The following SCAP variants were observed in gnomAD, a reference collection of about 807,000 sequenced individuals.
SCAP encodes sterol regulatory element-binding protein cleavage-activating protein.
A neutral mutation model predicts 123.6 loss-of-function variants in SCAP; 65 were observed. The ratio of observed to expected loss-of-function variants is 0.53; its 90% CI spans 0.43 to 0.65. SCAP has a LOEUF of 0.65. Ranked by LOEUF, SCAP falls within the 30% of genes least tolerant of loss-of-function variation. The pLI, the probability that SCAP is intolerant of heterozygous loss-of-function variation, is 0.00. For missense variants in SCAP, 1,398 were observed against 1,712.5 expected, an observed-to-expected ratio of 0.82 and a Z score of 3.24; for synonymous variants, 740 against 726.3, an observed-to-expected ratio of 1.02 and a Z score of -0.30.
rs1034558644 is a variant in SCAP at position 47,419,682 on chromosome 3, C to A, written c.1586G>T (p.Gly529Val). 4.6e-6 allele frequency: 7 copies of A among 1,523,118 alleles called. No homozygotes were observed. Among genetic ancestry groups the A allele is most frequent in the Non-Finnish European group, 6.2e-6 (7 of 1,134,996 alleles). 94.4% of individuals were successfully genotyped at this position (1,523,118 alleles called of 1,614,324 possible). A position where few individuals can be genotyped will look rare whatever the true frequency, so the allele number is the denominator to read the frequency against. ...LIMAGTVVWI[G>V]ILVYTDPAGL... ...TGCTGGGTCTGTGTATACCAGGATG[C>A]CAATCCAGACAACGGTGCCAGCCTG... Residue 529 changes from glycine (G) to valine (V), a missense_variant, in exon 13 of 23, where the codon GGC (glycine) becomes GTC (valine). Gly to Val is a moderately radical substitution (Grantham distance 109, BLOSUM62 -3). Around this residue, in one of 7 missense-constraint regions of SCAP, gnomAD observed 828 missense variants for 882.5 expected, o/e 0.94. Transcript: ENST00000265565. The surrounding 1 kb of genome is among the most constrained non-coding windows in gnomAD (Gnocchi z 5.0).
chr3:47,461,953 A>G (rs1707657338), intron 1 of SCAP, among the ~76,000 whole-genome samples: 1 of 151,958 alleles, frequency 6.6e-6, no homozygotes, highest in African/African-American at 2.4e-5. Context: ...AGAATCACTT[A>G]AACCCAGGAG....
At chr3:47,421,066 G>A (rs1305227715) in intron 10 of SCAP, 37 bp from the exon 11 acceptor site, 3 of 1,541,006 alleles carry the variant, frequency 1.9e-6, no homozygotes, top group Non-Finnish European at 2.7e-6. Context: ...GGGGTGCCGT[G>A]ACCTCACTGT....
Position 47,419,582 on chromosome 3 carries a change from G to A in SCAP, c.1686C>T (p.Pro562=), listed in dbSNP as rs73834308. The change falls in exon 13 of 23, where the codon CCC becomes CCT. Residue 562 remains proline (P), a synonymous_variant. Coordinates refer to ENST00000265565, the MANE Select transcript of SCAP (RefSeq NM_012235.4). The surrounding 1 kb of genome is among the most constrained non-coding windows in gnomAD (Gnocchi z 5.0). ...TGGGGGGCAGCATGCCACTAGGCAC[G>A]GGCATGGGAGCCAGGGCTCCCTCAC... ...PLGEGALAPM[P]VPSGMLPPSH... is the part of the protein sequence containing the mutation. The A allele has an allele frequency of 3.3e-4, 525 of 1,610,192 alleles. 2 individuals carry two copies. In the African/African-American group the frequency reaches 6.1e-3, roughly 19 times the overall value.
At chr3:47,423,719 A>G (rs1489323762) in intron 9 of SCAP, among the ~76,000 whole-genome samples, 1 of 152,160 alleles carries the variant, frequency 6.6e-6, no homozygotes, top group African/African-American at 2.4e-5. Context: ...CTGACACATG[A>G]ACCAGGACGA....
intron 10 of SCAP, chr3:47,421,265 G>C (rs1423111043): frequency 2.0e-5 from 11 of 540,754 alleles, no homozygotes; most frequent in Non-Finnish European, 3.7e-5. Context: ...TGAAAGGGAA[G>C]GGGAAGTACC....
chr3:47,470,386 G>A (rs1576321240), intron 1 of SCAP, among the ~76,000 whole-genome samples: 2 of 152,196 alleles, frequency 1.3e-5, no homozygotes, highest in East Asian at 3.8e-4. Flanking sequence ...GGCTTGGGAT[G>A]GAGAAACCCA....
At chr3:47,445,635 G>T (rs919339747) in intron 1 of SCAP, among the ~76,000 whole-genome samples, 4 of 151,826 alleles carry the variant, frequency 2.6e-5, no homozygotes, top group South Asian at 2.1e-4. Flanking sequence ...GCAGCAGCGC[G>T]ATCTCAGCTC....
intron 1 of SCAP, among the ~76,000 whole-genome samples, chr3:47,459,231 C>T (rs148325686): frequency 8.5e-5 from 13 of 152,350 alleles, no homozygotes; most frequent in Non-Finnish European, 1.8e-4. Context: ...TGTAGGAGCA[C>T]AGCCAGGACC....
intron 13 of SCAP, 108 bp from the exon 14 acceptor site, chr3:47,418,951 C>G: frequency 8.5e-7 from 1 of 1,177,580 alleles, no homozygotes. Flanking sequence ...TCAGCTCCAC[C>G]GGCCAGACTC....
rs1351075035 is a variant in SCAP, at chr3:47,427,170, G to A, written c.724C>T (p.His242Tyr). ...VSYTITLVFQ[H>Y]YHAKFLGSLR... is the part of the protein sequence containing the mutation. ...TGTCAATCTTACTTGGCATGGTAGTGCTGGAAGACCAGGGTGATGGTGTAG... is the reference window on the plus strand; with the variant it reads ...TGTCAATCTTACTTGGCATGGTAGTACTGGAAGACCAGGGTGATGGTGTAG... Residue 242 changes from histidine to tyrosine, a missense_variant, in exon 6 of 23, where the codon CAC becomes TAC. By Grantham distance (83) the His-to-Tyr change is moderately conservative. Transcript: ENST00000265565. 1 of 1,613,148 alleles carries A rather than the reference G, an allele frequency of 6.2e-7. No homozygotes were observed. The highest frequency in any genetic ancestry group is 8.5e-7 in the Non-Finnish European group (1 of 1,179,194).
chr3:47,463,219 A>G (rs766227840), intron 1 of SCAP, among the ~76,000 whole-genome samples: 2 of 152,144 alleles, frequency 1.3e-5, no homozygotes, highest in African/African-American at 2.4e-5. Context: ...CCCACATCTG[A>G]AACAGCTGGT....
In SCAP at chr3:47,439,410, A is replaced by G. The variant is rs1392144375; in HGVS notation, c.122+3462T>C. ...GGCGACAGAGTGAGACCCCGTCTCA[A>G]AATCAAAAACAACACAATGTGATTC... On this transcript the variant is annotated intron_variant, in intron 2 of 22. Transcript: ENST00000265565. This position sits in a 1 kb window ranked among gnomAD's most constrained non-coding sequence, Gnocchi z 4.0. Among the ~76,000 whole-genome samples, 2 of 152,194 alleles carry G rather than the reference A, an allele frequency of 1.3e-5. No homozygotes were observed. The highest frequency in any genetic ancestry group is 2.9e-5 in the Non-Finnish European group (2 of 68,038).
chr3:47,476,079 T>C (rs1708263144), upstream of SCAP: 1 of 150,476 alleles, frequency 6.6e-6, no homozygotes, highest in African/African-American at 2.4e-5. Flanking sequence ...GAGGGAAGTA[T>C]GGACGGCCGG....
chr3:47,423,948 G>A lies in SCAP; in HGVS notation c.1135C>T (p.Leu379=). 1 of 1,613,946 alleles carries A rather than the reference G, an allele frequency of 6.2e-7. No homozygotes were observed. The highest frequency in any genetic ancestry group is 1.7e-5 in the Admixed American group (1 of 60,032). ...VSTPVDLEVK[L]RIAQGLSSES... ...ACTGCGTTACCTTGGGCGATCCGCA[G>A]CTTCACCTCCAGGTCTACCGGGGTT... Residue 379 remains leucine (L), a synonymous_variant, in exon 9 of 23, where the codon CTG becomes TTG. Coordinates refer to ENST00000265565, the MANE Select transcript of SCAP (RefSeq NM_012235.4).
At position 47,414,265 on chromosome 3, in the gene SCAP, G is replaced by A. The variant is rs201231966; in HGVS notation, c.3509C>T (p.Thr1170Ile). The A allele has an allele frequency of 6.2e-7, 1 of 1,613,582 alleles. No homozygotes were observed. Residue 1170 changes from threonine (T) to isoleucine (I), a missense_variant, in exon 22 of 23, where the codon ACC (threonine) becomes ATC (isoleucine). Physicochemically the swap from Thr to Ile is moderately conservative, Grantham distance 89. Coordinates refer to ENST00000265565, the MANE Select transcript of SCAP (RefSeq NM_012235.4). Reference sequence around the variant, plus strand: ...CAGGCCACTGCTGATGACACAGGAGGTGGTACAGGTAAGGGAGGTGACATC... The same window carrying A: ...CAGGCCACTGCTGATGACACAGGAGATGGTACAGGTAAGGGAGGTGACATC... ...RGDVTSLTCT[T>I]SCVISSGLDD...
At chr3:47,423,273 C>T (rs952412206) in intron 9 of SCAP, among the ~76,000 whole-genome samples, 58 of 152,360 alleles carry the variant, frequency 3.8e-4, no homozygotes, top group Admixed American at 2.6e-3. Context: ...CCAGTTTCTA[C>T]CAGCAGGGCC....
At chr3:47,453,928 C>T (rs1707312604) in intron 1 of SCAP, among the ~76,000 whole-genome samples, 1 of 152,108 alleles carries the variant, frequency 6.6e-6, no homozygotes, top group South Asian at 2.1e-4. Flanking sequence ...CCTCCATAAG[C>T]CTTCTCTAAA....
intron 1 of SCAP, among the ~76,000 whole-genome samples, chr3:47,455,355 G>A (rs1209935588): frequency 1.3e-5 from 2 of 151,502 alleles, no homozygotes; most frequent in Non-Finnish European, 2.9e-5. Flanking sequence ...AGCAACTTGG[G>A]AGGCCGAGAT....
chr3:47,418,286 G>A, intron 15 of SCAP, 35 bp downstream of exon 15: 2 of 1,553,668 alleles, frequency 1.3e-6, no homozygotes, highest in African/African-American at 2.7e-5. Context: ...CCAGGCTCCG[G>A]CCCTCCCCTA....
Sources: allele counts gnomAD v4.1 joint callset (sites outside exome capture counted in the v4.1 genomes callset), GRCh38; gene constraint gnomAD v4.1.1; regional missense constraint gnomAD v4.1.1; non-coding constraint Gnocchi (gnomAD v3.1); transcripts MANE v1.5; gene names NCBI Gene and HGNC (gene_info 2026-07-23, HGNC 2026-07-21).